Variants in NFYA observed in about 807,000 individuals in gnomAD.
NFYA encodes the protein nuclear transcription factor Y subunit alpha.
A neutral mutation model predicts 52.8 loss-of-function variants in NFYA; 28 were observed. That is an observed-to-expected ratio of 0.53 (90% CI 0.39 to 0.73). The LOEUF (loss-of-function observed/expected upper bound fraction) is 0.73. Ranked by LOEUF, NFYA falls within the 30% of genes least tolerant of loss-of-function variation. The pLI is 0.00. For missense variants in NFYA, 234 were observed against 427.0 expected (o/e 0.55, Z 3.98); for synonymous variants, 150 against 150.7 (o/e 1.00, Z 0.03).
chr6:41,088,483 C>T (rs1466135634), intron 4 of NFYA, among the ~76,000 whole-genome samples: 3 of 151,290 alleles, frequency 2.0e-5, no homozygotes, highest in Non-Finnish European at 4.4e-5. Context: ...AATCCTGACA[C>T]AGCTGTGTTG....
At chr6:41,074,969 A>G (rs1763694152) in intron 1 of NFYA, among the ~76,000 whole-genome samples, 1 of 151,500 alleles carries the variant, frequency 6.6e-6, no homozygotes, top group Non-Finnish European at 1.5e-5. Flanking sequence ...ATTCACATTT[A>G]ATGTTATACA....
At chr6:41,095,889 T>G (rs1197503817) in intron 9 of NFYA, among the ~76,000 whole-genome samples, 1 of 152,228 alleles carries the variant, frequency 6.6e-6, no homozygotes, top group Non-Finnish European at 1.5e-5. Flanking sequence ...AGTACTGACT[T>G]AGATGTATTT....
rs747855763 is a variant in NFYA at position 41,100,590 on chromosome 6, G to C, written c.*3180G>C. ...CTCTCCACAATGAAGGAAAAGCACT[G>C]ACAGTATTTGATAGCTTTAGTCAAA... On this transcript the variant is annotated 3_prime_UTR_variant, in exon 10 of 10. Transcript: ENST00000341376. 1.3e-5 allele frequency among the ~76,000 whole-genome samples: 2 copies of C among 152,194 alleles called. No homozygotes were observed. The highest frequency in any genetic ancestry group is 2.9e-5 in the Non-Finnish European group (2 of 68,026).
chr6:41,089,849 G>A lies in NFYA; in HGVS notation c.441+139G>A. 3.3e-6 allele frequency: 4 copies of A among 1,214,044 alleles called. No individual in the cohort carries two copies. In the South Asian group the frequency reaches 6.4e-5, roughly 19 times the overall value. The allele number at this position is 1,214,044 out of a possible 1,614,324, so 75.2% of individuals were successfully genotyped here. Reference sequence around the variant, plus strand: ...AAAAATATATTTTTGGCCGGGCGCGGTGGCTCATGCCTGTAATCCCAGCAC... The same window carrying A: ...AAAAATATATTTTTGGCCGGGCGCGATGGCTCATGCCTGTAATCCCAGCAC... On this transcript the variant is annotated intron_variant, in intron 5 of 9. Transcript: ENST00000341376.
intron 9 of NFYA, among the ~76,000 whole-genome samples, chr6:41,096,041 C>G (rs534205336): frequency 1.2e-4 from 19 of 152,134 alleles, no homozygotes; most frequent in South Asian, 8.3e-4. Flanking sequence ...AATCTCCAGT[C>G]TCCTCTAATT....
Position 41,099,392 on chromosome 6 carries a change from T to G in NFYA, c.*1982T>G, listed in dbSNP as rs886331316. ...ACAGTTAGAAGATGCTATTTATTTG[T>G]GTCTGTAAGTTTGTACATAGTAATG... On this transcript the variant is annotated 3_prime_UTR_variant, in exon 10 of 10. Transcript: ENST00000341376. The G allele has an allele frequency of 6.6e-6, 1 of 152,252 alleles. No individual in the cohort carries two copies. The highest frequency in any genetic ancestry group is 6.5e-5 in the Admixed American group (1 of 15,288). The allele number at this position is 152,252 out of a possible 1,614,324, so 9.4% of individuals were successfully genotyped here.
At chr6:41,076,445 C>A (rs558652128) in intron 1 of NFYA, among the ~76,000 whole-genome samples, 1 of 152,316 alleles carries the variant, frequency 6.6e-6, no homozygotes, top group Admixed American at 6.5e-5. Flanking sequence ...TAGTGATTAT[C>A]AACTGTGATA....
At chr6:41,095,084 C>T (rs1764312140) in intron 9 of NFYA, among the ~76,000 whole-genome samples, 1 of 152,066 alleles carries the variant, frequency 6.6e-6, no homozygotes, top group South Asian at 2.1e-4. Flanking sequence ...TTTTGTTCCC[C>T]TCTAGCCTAC....
intron 3 of NFYA, 34 bp downstream of exon 3, chr6:41,080,931 A>G: frequency 6.5e-7 from 1 of 1,541,146 alleles, no homozygotes; most frequent in Middle Eastern, 1.7e-4. Flanking sequence ...TGAGCACTGC[A>G]TGAACTTCTC....
intron 4 of NFYA, among the ~76,000 whole-genome samples, chr6:41,089,086 T>G (rs1007740413): frequency 6.6e-6 from 1 of 152,174 alleles, no homozygotes; most frequent in Non-Finnish European, 1.5e-5. Context: ...CCGGTTCAAG[T>G]GATTTTCCGG....
intron 4 of NFYA, among the ~76,000 whole-genome samples, chr6:41,088,153 C>T (rs1764095166): frequency 6.6e-6 from 1 of 151,962 alleles, no homozygotes; most frequent in African/African-American, 2.4e-5. Context: ...GTGCGGTGGC[C>T]CACACCTGTA....
At chr6:41,094,612 A>C in intron 9 of NFYA, 115 bp downstream of exon 9, 1 of 703,558 alleles carries the variant, frequency 1.4e-6, no homozygotes, top group East Asian at 2.7e-5. Flanking sequence ...CACATTCTCT[A>C]AACTGGATGC....
chr6:41,093,328 T>TA (rs1251907992), intron 8 of NFYA, among the ~76,000 whole-genome samples: 5 of 152,180 alleles, frequency 3.3e-5, no homozygotes, highest in Non-Finnish European at 7.4e-5. Context: ...AGTCCAGAGA[T>TA]AAATTATCCT....
intron 3 of NFYA, 107 bp from the exon 4 acceptor site, chr6:41,083,939 C>T: frequency 1.8e-6 from 2 of 1,106,970 alleles, no homozygotes; most frequent in Non-Finnish European, 2.5e-6. Context: ...TCTTTTCTAC[C>T]TTTTCCTTTT....
intron 1 of NFYA, among the ~76,000 whole-genome samples, chr6:41,073,631 C>A (rs549015644): frequency 6.6e-6 from 1 of 152,206 alleles, no homozygotes; most frequent in African/African-American, 2.4e-5. Context: ...GGGAGGGAGG[C>A]CTGGGGAGGG....
At chr6:41,084,245 A>C in intron 4 of NFYA, 53 bp downstream of exon 4, 2 of 1,582,112 alleles carry the variant, frequency 1.3e-6, no homozygotes, top group Non-Finnish European at 8.6e-7. Context: ...GGTTTCAAAG[A>C]ATAGATTATT....
chr6:41,076,145 C>T (rs145292527), intron 1 of NFYA, among the ~76,000 whole-genome samples: 46 of 152,206 alleles, frequency 3.0e-4, no homozygotes, highest in Non-Finnish European at 5.6e-4. Flanking sequence ...TGATGGCTCA[C>T]GACTGTAATC....
rs541252686 is a variant in NFYA, at chr6:41,074,108, T to G, written c.-62+1024T>G. ...TGGGAATATAGTACAGTTTTGGGGG[T>G]TTTTTTTCCCTTTGTTTTTGCCTTC... On this transcript the variant is annotated intron_variant, in intron 1 of 9. Coordinates refer to ENST00000341376, the MANE Select transcript of NFYA (RefSeq NM_002505.5). Among the ~76,000 whole-genome samples the G allele has an allele frequency of 1.0e-3, 152 of 152,048 alleles. 3 individuals are homozygous for G. The South Asian group carries it at 0.027, about 27-fold the overall frequency.
intron 1 of NFYA, 139 bp downstream of exon 1, chr6:41,073,223 C>T (rs569253733): frequency 6.6e-6 from 1 of 151,482 alleles, no homozygotes; most frequent in East Asian, 2.0e-4. Context: ...AGCCGGGCGG[C>T]CAGCGGCCCC....
Sources: allele counts gnomAD v4.1 joint callset (sites outside exome capture counted in the v4.1 genomes callset), GRCh38; gene constraint gnomAD v4.1.1; transcripts MANE v1.5; gene names NCBI Gene and HGNC (gene_info 2026-07-23, HGNC 2026-07-21).